LMNB1: variants seen among roughly 807,000 people sequenced by gnomAD.
LMNB1 encodes the protein lamin-B1.
A neutral mutation model predicts 67.1 loss-of-function variants in LMNB1; 23 were observed. The observed-to-expected ratio is 0.34, with a 90% CI of 0.25 to 0.49. The LOEUF (loss-of-function observed/expected upper bound fraction) is 0.49. Ranked by LOEUF, LMNB1 falls within the 20% of genes least tolerant of loss-of-function variation. The pLI, the probability that LMNB1 is intolerant of heterozygous loss-of-function variation, is 0.99. For missense variants in LMNB1, 634 were observed against 746.5 expected (o/e 0.85, Z 1.76); for synonymous variants, 281 against 282.9 (o/e 0.99, Z 0.07).
intron 1 of LMNB1, among the ~76,000 whole-genome samples, chr5:126,800,458 T>A (rs1417669500): frequency 6.6e-6 from 1 of 150,658 alleles, no homozygotes; most frequent in Non-Finnish European, 1.5e-5. Flanking sequence ...TGGCATGGAG[T>A]GGGGGAGAGT....
At chr5:126,808,557 T>TG (rs1429761735) in intron 3 of LMNB1, among the ~76,000 whole-genome samples, 1 of 151,772 alleles carries the variant, frequency 6.6e-6, no homozygotes. Context: ...TATGAACAGT[T>TG]GGGGGAAAAA....
intron 2 of LMNB1, 72 bp from the exon 3 acceptor site, chr5:126,805,499 C>G: frequency 4.0e-6 from 4 of 993,386 alleles, no homozygotes; most frequent in Non-Finnish European, 6.1e-6. Context: ...TGATTTGATT[C>G]ATAGATATCT....
At chr5:126,832,129 G>C (rs565806064) in intron 9 of LMNB1, among the ~76,000 whole-genome samples, 1 of 152,120 alleles carries the variant, frequency 6.6e-6, no homozygotes, top group Admixed American at 6.5e-5. Context: ...TTAGCCGCAC[G>C]TGGTGGTGCA....
chr5:126,821,260 CT>C (rs1335434693), intron 7 of LMNB1, 125 bp downstream of exon 7: 1 of 613,568 alleles, frequency 1.6e-6, no homozygotes, highest in Non-Finnish European at 2.9e-6. Flanking sequence ...GGTTTATGTC[CT>C]TTTTACTTAA....
intron 5 of LMNB1, chr5:126,815,394 T>A (rs1254707164): frequency 1.3e-5 from 2 of 152,202 alleles, no homozygotes; most frequent in Non-Finnish European, 2.9e-5. Flanking sequence ...ATCTCTAGAT[T>A]TTTGACTTGG....
intron 9 of LMNB1, 39 bp from the exon 10 acceptor site, chr5:126,832,655 T>G (rs1371756302): frequency 6.9e-7 from 1 of 1,454,816 alleles, no homozygotes; most frequent in Admixed American, 1.7e-5. Flanking sequence ...TTTGGTGATT[T>G]TAAGTGTGTT....
At chr5:126,804,238 C>CTTTTTTTTTTTTT (rs61232506) in intron 1 of LMNB1, among the ~76,000 whole-genome samples, 1 of 101,164 alleles carries the variant, frequency 9.9e-6, no homozygotes, top group Non-Finnish European at 1.9e-5. Flanking sequence ...GTGCCAGGCT[C>CTTTTTTTTTTTTT]TTTTTTTTTT....
At chr5:126,835,944 G>T (rs1440772412) in intron 10 of LMNB1, among the ~76,000 whole-genome samples, 1 of 152,160 alleles carries the variant, frequency 6.6e-6, no homozygotes, top group Non-Finnish European at 1.5e-5. Context: ...TGCTCGGGAG[G>T]CTGAGGCATG....
At chr5:126,821,281 A>G (rs1751862791) in intron 7 of LMNB1, 146 bp downstream of exon 7, 1 of 596,978 alleles carries the variant, frequency 1.7e-6, no homozygotes, top group Admixed American at 3.0e-5. Flanking sequence ...AATTCATAAA[A>G]TAAAATAAAA....
intron 1 of LMNB1, among the ~76,000 whole-genome samples, chr5:126,790,474 A>G (rs1400082964): frequency 6.6e-6 from 1 of 151,722 alleles, no homozygotes; most frequent in Non-Finnish European, 1.5e-5. Context: ...TAGCAGAAAT[A>G]CTTACATAGT....
chr5:126,819,123 T>A lies in LMNB1; in HGVS notation c.1141T>A (p.Leu381Ile). ...DMEISAYRKL[L>I]EGEEERLKLS... ...GGAAATCAGTGCTTACAGGAAACTC[T>A]TAGAAGGCGAAGAAGAGAGGTAAGG... Residue 381 changes from leucine (L) to isoleucine (I), a missense_variant, in exon 6 of 11, where the codon TTA (leucine) becomes ATA (isoleucine). Leu to Ile is a conservative substitution (Grantham distance 5). Transcript: ENST00000261366. 1 of 1,613,942 alleles carries A rather than the reference T, an allele frequency of 6.2e-7. No homozygotes were observed. Among genetic ancestry groups the A allele is most frequent in the Non-Finnish European group, 8.5e-7 (1 of 1,179,848 alleles).
At chr5:126,832,195 G>C (rs941286739) in intron 9 of LMNB1, among the ~76,000 whole-genome samples, 1 of 152,184 alleles carries the variant, frequency 6.6e-6, no homozygotes, top group Non-Finnish European at 1.5e-5. Context: ...TTGAACCTGG[G>C]AAGTGAAGGT....
At position 126,803,281 on chromosome 5, in the gene LMNB1, T is replaced by C. The variant is rs191647118; in HGVS notation, c.360-1495T>C. Among the ~76,000 whole-genome samples, 99 of 152,136 alleles carry C rather than the reference T, an allele frequency of 6.5e-4. 1 individual carries two copies. In the East Asian group the frequency reaches 0.019, roughly 29 times the overall value. On this transcript the variant is annotated intron_variant, in intron 1 of 10. Transcript: ENST00000261366. ...TGTTTTTGAGACGGAGTTTCACTCT[T>C]GTTGCCCAGGCTGGAGTGCAATGGC...
At chr5:126,796,791 T>C (rs1580533589) in intron 1 of LMNB1, among the ~76,000 whole-genome samples, 1 of 119,956 alleles carries the variant, frequency 8.3e-6, no homozygotes, top group African/African-American at 3.6e-5. Context: ...TCTTTCTTTT[T>C]TTTTTTTTTT....
chr5:126,799,657 C>G (rs1352676408), intron 1 of LMNB1, among the ~76,000 whole-genome samples: 1 of 152,172 alleles, frequency 6.6e-6, no homozygotes, highest in East Asian at 1.9e-4. Context: ...ATTTATTTAT[C>G]TTTCTCTTCC....
chr5:126,792,567 ATTTTTTT>A (rs752371260), intron 1 of LMNB1, among the ~76,000 whole-genome samples: 5,775 of 99,092 alleles, frequency 0.058, 151 homozygotes, highest in Middle Eastern at 0.1. Flanking sequence ...AGCACTAGGG[ATTTTTTT>A]TTTTTTTTTT....
intron 1 of LMNB1, among the ~76,000 whole-genome samples, chr5:126,803,326 A>G (rs1751334898): frequency 6.7e-6 from 1 of 149,402 alleles, no homozygotes; most frequent in Non-Finnish European, 1.5e-5. Flanking sequence ...GCTCACTGCA[A>G]CCTCTGCCTC....
chr5:126,830,597 G>A (rs1752109429), intron 9 of LMNB1, among the ~76,000 whole-genome samples: 1 of 152,158 alleles, frequency 6.6e-6, no homozygotes, highest in East Asian at 1.9e-4. Context: ...GTTATGTTAA[G>A]GTAATTCATA....
At chr5:126,829,942 A>G (rs1752091250) in intron 9 of LMNB1, among the ~76,000 whole-genome samples, 1 of 152,214 alleles carries the variant, frequency 6.6e-6, no homozygotes, top group African/African-American at 2.4e-5. Context: ...CATGGCAAAA[A>G]CAAGATGTTT....
Sources: allele counts gnomAD v4.1 joint callset (sites outside exome capture counted in the v4.1 genomes callset), GRCh38; gene constraint gnomAD v4.1.1; transcripts MANE v1.5; gene names NCBI Gene and HGNC (gene_info 2026-07-23, HGNC 2026-07-21).